Variants in IGSF11 observed in about 807,000 individuals in gnomAD.
IGSF11 encodes CXADR like 1.
IGSF11 carries 22 observed loss-of-function variants against 41.0 expected under a neutral mutation model. That is an observed-to-expected ratio of 0.54 (90% CI 0.38 to 0.77). The LOEUF (loss-of-function observed/expected upper bound fraction) is 0.77. Among genes scored for constraint, IGSF11 ranks in the 30% least tolerant of loss-of-function variants. The pLI, the probability that IGSF11 is intolerant of heterozygous loss-of-function variation, is 0.00. For synonymous variants in IGSF11, 219 were observed against 201.3 expected, an observed-to-expected ratio of 1.09 and a Z score of -0.74; for missense variants, 444 against 530.8, an observed-to-expected ratio of 0.84 and a Z score of 1.61.
intron 1 of IGSF11, among the ~76,000 whole-genome samples, chr3:118,961,823 CCT>C (rs1241931309): frequency 6.6e-6 from 1 of 152,100 alleles, no homozygotes; most frequent in Non-Finnish European, 1.5e-5. Context: ...TAAATTACTC[CCT>C]GTTAAAATGT....
chr3:119,003,452 GAAT>G (rs1305560910), intron 1 of IGSF11, among the ~76,000 whole-genome samples: 1 of 150,678 alleles, frequency 6.6e-6, no homozygotes, highest in African/African-American at 2.5e-5. Flanking sequence ...TTTCCTAATT[GAAT>G]ACCTTTTATT....
chr3:119,089,331 T>C (rs895946696), intron 1 of IGSF11, among the ~76,000 whole-genome samples: 36 of 151,968 alleles, frequency 2.4e-4, no homozygotes, highest in African/African-American at 8.2e-4. Flanking sequence ...AAAAACCATA[T>C]GATTATCACA....
Position 118,902,709 on chromosome 3 carries a change from A to C in IGSF11, c.1107T>G (p.His369Gln). 1 of 1,614,146 alleles carries C rather than the reference A, an allele frequency of 6.2e-7. No homozygotes were observed. The highest frequency in any genetic ancestry group is 2.2e-5 in the East Asian group (1 of 44,860). Residue 369 changes from histidine to glutamine, a missense_variant, in exon 7 of 7, where the codon CAT becomes CAG. By Grantham distance (24) the His-to-Gln change is conservative. Coordinates refer to ENST00000393775, the MANE Select transcript of IGSF11 (RefSeq NM_001015887.3). ...TGTTGGCTGTCACTACCAGAGTCTT[A>C]TGTTGACCCGGGACCAGATGGGTCC... is the stretch of plus-strand genomic sequence containing the variant. ...ANGTHLVPGQ[H>Q]KTLVVTANRG...
intron 1 of IGSF11, among the ~76,000 whole-genome samples, chr3:119,144,501 C>G (rs973308753): frequency 2.6e-5 from 4 of 151,876 alleles, no homozygotes; most frequent in African/African-American, 9.7e-5. Context: ...AGAAGGAAAA[C>G]TGGAAAATTC....
At chr3:119,094,507 G>A (rs1297843854) in intron 1 of IGSF11, among the ~76,000 whole-genome samples, 1 of 151,690 alleles carries the variant, frequency 6.6e-6, no homozygotes, top group Non-Finnish European at 1.5e-5. Context: ...CTTCCAGGAA[G>A]GAAATCCTGA....
At chr3:119,071,836 T>C (rs1161271349) in intron 1 of IGSF11, among the ~76,000 whole-genome samples, 1 of 152,202 alleles carries the variant, frequency 6.6e-6, no homozygotes, top group East Asian at 1.9e-4. Flanking sequence ...CCATATGAAT[T>C]TGAGAATCAG....
chr3:119,079,844 G>A (rs1027350811), intron 1 of IGSF11, among the ~76,000 whole-genome samples: 1 of 152,122 alleles, frequency 6.6e-6, no homozygotes, highest in Non-Finnish European at 1.5e-5. Flanking sequence ...AATACATAGG[G>A]ACACAAAACA....
At chr3:118,974,646 C>A (rs1933858135) in intron 1 of IGSF11, among the ~76,000 whole-genome samples, 1 of 152,166 alleles carries the variant, frequency 6.6e-6, no homozygotes, top group Admixed American at 6.5e-5. Context: ...ACTGGCTTCC[C>A]AAAAGACAGT....
At chr3:119,005,948 T>G (rs1487272526) in intron 1 of IGSF11, among the ~76,000 whole-genome samples, 1 of 137,746 alleles carries the variant, frequency 7.3e-6, no homozygotes, top group Non-Finnish European at 1.5e-5. Context: ...TGTCTTGGAG[T>G]TGTTCTTCTC....
chr3:119,031,130 G>A (rs1250115722), intron 1 of IGSF11, among the ~76,000 whole-genome samples: 2 of 152,166 alleles, frequency 1.3e-5, no homozygotes, highest in Admixed American at 6.5e-5. Context: ...GGTGGTATGC[G>A]CCTGTAATCC....
chr3:119,086,312 A>G (rs2107488294), intron 1 of IGSF11, among the ~76,000 whole-genome samples: 1 of 152,320 alleles, frequency 6.6e-6, no homozygotes, highest in East Asian at 1.9e-4. Context: ...TGGAAAACAT[A>G]TTTGAGGATT....
chr3:119,068,916 C>T (rs369237744), intron 1 of IGSF11, among the ~76,000 whole-genome samples: 34 of 114,088 alleles, frequency 3.0e-4, no homozygotes, highest in South Asian at 1.1e-3. Flanking sequence ...TGGTTATTTT[C>T]TTTTTTTTTT....
At chr3:118,933,855 C>T (rs904629620) in intron 1 of IGSF11, among the ~76,000 whole-genome samples, 3 of 152,044 alleles carry the variant, frequency 2.0e-5, no homozygotes, top group Non-Finnish European at 2.9e-5. Context: ...TTTCAGTCCG[C>T]CTCACCCTCA....
At chr3:119,142,781 T>A (rs1215604345) in intron 1 of IGSF11, among the ~76,000 whole-genome samples, 3 of 151,906 alleles carry the variant, frequency 2.0e-5, no homozygotes, top group African/African-American at 7.3e-5. Flanking sequence ...ACATAAAAGA[T>A]CCACACTGAT....
rs1329332657 is a variant in IGSF11 at position 119,006,192 on chromosome 3, T to C, written c.52+28339A>G. ...TTATTCTTTTTTCTCTAAACTTCCC[T>C]TCTCGCTTCTTTTCATTCATTTCAT... On this transcript the variant is annotated intron_variant, in intron 1 of 6. Transcript: ENST00000393775. Among the ~76,000 whole-genome samples, 6 of 129,660 alleles carry C rather than the reference T, an allele frequency of 4.6e-5. 1 individual carries two copies. Among genetic ancestry groups the C allele is most frequent in the Non-Finnish European group, 9.4e-5 (6 of 64,106 alleles). 85.1% of individuals were successfully genotyped at this position (129,660 alleles called of 152,430 possible).
chr3:118,954,366 T>C (rs1195211854), intron 1 of IGSF11, among the ~76,000 whole-genome samples: 1 of 152,126 alleles, frequency 6.6e-6, no homozygotes, highest in Non-Finnish European at 1.5e-5. Flanking sequence ...TCTTTTTACT[T>C]AGCCTTGTTT....
At chr3:119,070,375 A>T (rs1212219001) in intron 1 of IGSF11, among the ~76,000 whole-genome samples, 3 of 152,206 alleles carry the variant, frequency 2.0e-5, no homozygotes, top group Non-Finnish European at 4.4e-5. Context: ...TAATTAGAAT[A>T]TTGATATATA....
intron 1 of IGSF11, among the ~76,000 whole-genome samples, chr3:119,128,144 C>T (rs1295566594): frequency 6.6e-6 from 1 of 152,100 alleles, no homozygotes; most frequent in Non-Finnish European, 1.5e-5. Flanking sequence ...GAATTACCTG[C>T]AGTCAGGAGT....
intron 4 of IGSF11, among the ~76,000 whole-genome samples, chr3:118,913,534 A>G (rs780839369): frequency 6.6e-6 from 1 of 152,256 alleles, no homozygotes; most frequent in Non-Finnish European, 1.5e-5. Flanking sequence ...AATAACTGAT[A>G]ACCTAGCATT....
Sources: gnomAD v4.1 joint callset for allele counts (sites outside exome capture counted in the v4.1 genomes callset) on GRCh38, gnomAD v4.1.1 for gene constraint, MANE v1.5 for transcripts, NCBI Gene and HGNC (gene_info 2026-07-23, HGNC 2026-07-21) for gene names.